The following UMAD1 variants were observed in gnomAD, a reference collection of about 807,000 sequenced individuals.
UMAD1 encodes UBAP1-MVB12-associated (UMA)-domain containing protein 1.
A neutral mutation model predicts 6.1 loss-of-function variants in UMAD1; 8 were observed. The observed-to-expected ratio is 1.30, with a 90% CI of 0.76 to 2.35. The LOEUF (loss-of-function observed/expected upper bound fraction) is 2.35. Among genes scored for constraint, UMAD1 ranks in the 30% most tolerant of loss-of-function variants. UMAD1 has a pLI of 0.00. For synonymous variants in UMAD1, 56 were observed against 31.4 expected, an observed-to-expected ratio of 1.78 and a Z score of -2.61; for missense variants, 130 against 78.4, an observed-to-expected ratio of 1.66 and a Z score of -2.49.
intron 2 of UMAD1, among the ~76,000 whole-genome samples, chr7:7,797,153 C>T (rs903515423): frequency 6.6e-6 from 1 of 152,126 alleles, no homozygotes; most frequent in African/African-American, 2.4e-5. Context: ...GAAGGGAAAC[C>T]AGCATGTCAC....
chr7:7,743,688 A>G (rs1781516393), intron 2 of UMAD1, among the ~76,000 whole-genome samples: 1 of 35,986 alleles, frequency 2.8e-5, no homozygotes, highest in African/African-American at 1.8e-4. Flanking sequence ...ATATATGTGT[A>G]TATGTATATG....
intron 2 of UMAD1, among the ~76,000 whole-genome samples, chr7:7,678,140 T>C (rs570171177): frequency 0.11 from 2,816 of 26,798 alleles, 88 homozygotes; most frequent in African/African-American, 0.4. Flanking sequence ...AGTTCTGTTT[T>C]TAGTTTTTTT....
chr7:7,720,627 CTT>C (rs969304877), intron 2 of UMAD1, among the ~76,000 whole-genome samples: 4 of 152,006 alleles, frequency 2.6e-5, no homozygotes, highest in African/African-American at 9.7e-5. Context: ...TATAAAAAGA[CTT>C]TTTGAGAAAA....
At position 7,652,591 on chromosome 7, in the gene UMAD1, G is replaced by A. The variant is rs118067956; in HGVS notation, c.-64+11770G>A. Reference sequence around the variant, plus strand: ...TGTGCCCATTGACATTGTGAGAGGTGGTAGAGAAGTAGGATAAAGAGGCAG... The same window carrying A: ...TGTGCCCATTGACATTGTGAGAGGTAGTAGAGAAGTAGGATAAAGAGGCAG... On this transcript the variant is annotated intron_variant, in intron 1 of 3. Coordinates refer to ENST00000682710, the MANE Select transcript of UMAD1 (RefSeq NM_001302348.2). Among the ~76,000 whole-genome samples, 1,039 of 152,312 alleles carry A rather than the reference G, an allele frequency of 6.8e-3. 7 individuals carry two copies. Among genetic ancestry groups the A allele is most frequent in the Non-Finnish European group, 8.7e-3 (590 of 68,028 alleles).
intron 2 of UMAD1, among the ~76,000 whole-genome samples, chr7:7,767,061 A>C (rs1340165873): frequency 6.6e-6 from 1 of 151,670 alleles, no homozygotes; most frequent in Non-Finnish European, 1.5e-5. Flanking sequence ...AGATGGCATG[A>C]GTGTATTGCT....
intron 1 of UMAD1, among the ~76,000 whole-genome samples, chr7:7,656,988 A>G (rs1785359179): frequency 6.6e-6 from 1 of 152,076 alleles, no homozygotes. Flanking sequence ...TTGTTTCCTG[A>G]CTTTTTAATG....
chr7:7,649,433 T>C (rs1404428190), intron 1 of UMAD1, among the ~76,000 whole-genome samples: 1 of 152,208 alleles, frequency 6.6e-6, no homozygotes, highest in East Asian at 1.9e-4. Flanking sequence ...CATAACCTGG[T>C]TACCTTTTAT....
intron 3 of UMAD1, among the ~76,000 whole-genome samples, chr7:7,853,588 T>C (rs963747867): frequency 6.6e-6 from 1 of 152,168 alleles, no homozygotes; most frequent in African/African-American, 2.4e-5. Context: ...AATGAAATTA[T>C]CTTAATTTCA....
At chr7:7,795,773 A>G (rs894870213) in intron 2 of UMAD1, among the ~76,000 whole-genome samples, 1 of 152,162 alleles carries the variant, frequency 6.6e-6, no homozygotes, top group Non-Finnish European at 1.5e-5. Context: ...TAGCAGGCCA[A>G]TACATTATAA....
chr7:7,722,048 C>T (rs1355331177), intron 2 of UMAD1, among the ~76,000 whole-genome samples: 2 of 151,962 alleles, frequency 1.3e-5, no homozygotes, highest in Admixed American at 6.6e-5. Context: ...GTAAGTTCTT[C>T]GGCTTTGGGA....
chr7:7,687,732 T>TTAA (rs1358016037), intron 2 of UMAD1, among the ~76,000 whole-genome samples: 1 of 152,232 alleles, frequency 6.6e-6, no homozygotes, highest in African/African-American at 2.4e-5. Flanking sequence ...TGTACTTTTA[T>TTAA]GACTATACAT....
At chr7:7,708,844 A>G (rs1780675959) in intron 2 of UMAD1, among the ~76,000 whole-genome samples, 2 of 152,108 alleles carry the variant, frequency 1.3e-5, no homozygotes, top group Admixed American at 6.6e-5. Context: ...CACCAAATGC[A>G]TATGTATATA....
At chr7:7,672,967 C>G (rs1779644575) in intron 1 of UMAD1, among the ~76,000 whole-genome samples, 1 of 152,158 alleles carries the variant, frequency 6.6e-6, no homozygotes, top group Non-Finnish European at 1.5e-5. Flanking sequence ...TTTTTCCTAT[C>G]ACCCAAACCA....
At chr7:7,868,689 T>C (rs1044859445) in intron 3 of UMAD1, 3 of 152,182 alleles carry the variant, frequency 2.0e-5, no homozygotes, top group Non-Finnish European at 4.4e-5. Context: ...AGTTTGCTAC[T>C]GAAATACAGC....
chr7:7,674,399 C>T (rs80045764), intron 2 of UMAD1, among the ~76,000 whole-genome samples: 215 of 152,242 alleles, frequency 1.4e-3, no homozygotes, highest in African/African-American at 5.1e-3. Flanking sequence ...CTCTGTGAGA[C>T]CAGAATAGAG....
At chr7:7,714,197 A>G (rs1029460297) in intron 2 of UMAD1, among the ~76,000 whole-genome samples, 21 of 152,234 alleles carry the variant, frequency 1.4e-4, no homozygotes, top group Admixed American at 3.9e-4. Context: ...TCTCAAAGAA[A>G]AGCATATCAG....
intron 1 of UMAD1, among the ~76,000 whole-genome samples, chr7:7,658,480 A>G (rs377284987): frequency 1.3e-5 from 2 of 152,142 alleles, no homozygotes; most frequent in African/African-American, 4.8e-5. Flanking sequence ...TTTGAGATAC[A>G]TTCCATCAAT....
intron 1 of UMAD1, among the ~76,000 whole-genome samples, chr7:7,644,181 T>A (rs1039979243): frequency 2.0e-5 from 3 of 152,216 alleles, no homozygotes; most frequent in Admixed American, 6.5e-5. Context: ...CCCTGATTAC[T>A]GAAAAGTTTG....
At position 7,797,276 on chromosome 7, in the gene UMAD1, C is replaced by T. The variant is rs183098381; in HGVS notation, c.83-4394C>T. Among the ~76,000 whole-genome samples the T allele has an allele frequency of 3.2e-3, 493 of 152,284 alleles. 1 individual carries two copies. Among genetic ancestry groups the T allele is most frequent in the Non-Finnish European group, 4.5e-3 (305 of 68,016 alleles). On this transcript the variant is annotated intron_variant, in intron 2 of 3. Coordinates refer to ENST00000682710, the MANE Select transcript of UMAD1 (RefSeq NM_001302348.2). ...GGAGGGTACTTCATGAGGGATCTGT[C>T]CCCATGACCCAAACACCTCCCAGCA...
Sources: allele counts gnomAD v4.1 joint callset (sites outside exome capture counted in the v4.1 genomes callset), GRCh38; gene constraint gnomAD v4.1.1; transcripts MANE v1.5; gene names NCBI Gene and HGNC (gene_info 2026-07-23, HGNC 2026-07-21).